Variants in ARHGEF38 observed in about 807,000 individuals in gnomAD.
ARHGEF38 encodes Rho guanine nucleotide exchange factor 38, also known as Rho guanine nucleotide exchange factor (GEF) 38.
ARHGEF38 carries 79 observed loss-of-function variants against 79.9 expected under a neutral mutation model. The observed-to-expected ratio is 0.99, with a 90% CI of 0.82 to 1.19. ARHGEF38 has a LOEUF of 1.19. Ranked by LOEUF, ARHGEF38 falls within the 50% of genes most tolerant of loss-of-function variation. ARHGEF38 has a pLI of 0.00. For missense variants in ARHGEF38, 962 were observed against 907.2 expected, an observed-to-expected ratio of 1.06 and a Z score of -0.78; for synonymous variants, 366 against 328.3, an observed-to-expected ratio of 1.11 and a Z score of -1.24.
chr4:105,598,774 C>T (rs1727695852), intron 2 of ARHGEF38, among the ~76,000 whole-genome samples: 1 of 151,392 alleles, frequency 6.6e-6, no homozygotes, highest in African/African-American at 2.4e-5. Flanking sequence ...AGGCCAGATA[C>T]CTGAGGTCTC....
At chr4:105,605,356 C>A (rs1431239018) in intron 2 of ARHGEF38, among the ~76,000 whole-genome samples, 1 of 152,010 alleles carries the variant, frequency 6.6e-6, no homozygotes, top group Non-Finnish European at 1.5e-5. Flanking sequence ...TTGAACCCAG[C>A]CTCTTTCTCT....
intron 1 of ARHGEF38, among the ~76,000 whole-genome samples, chr4:105,576,890 T>A (rs933409780): frequency 6.6e-6 from 1 of 152,182 alleles, no homozygotes; most frequent in Non-Finnish European, 1.5e-5. Context: ...TTTGTGTTTT[T>A]AATTCTGCTT....
intron 1 of ARHGEF38, among the ~76,000 whole-genome samples, chr4:105,565,881 G>A (rs1194884812): frequency 1.3e-5 from 2 of 152,092 alleles, no homozygotes; most frequent in East Asian, 1.9e-4. Context: ...TTACTCACCA[G>A]TTCATGCTAA....
intron 13 of ARHGEF38, among the ~76,000 whole-genome samples, chr4:105,668,002 T>A (rs915187653): frequency 1.3e-5 from 2 of 152,160 alleles, no homozygotes; most frequent in South Asian, 2.1e-4. Flanking sequence ...CAGCAAAGTA[T>A]CTTTTTATAC....
Position 105,607,954 on chromosome 4 carries a change from G to C in ARHGEF38, c.385-5430G>C, listed in dbSNP as rs150651659. Reference sequence around the variant, plus strand: ...GAAACTTACATACTATTTTTGTCCAGTTAGGCTTCTATTTAAAAAAAAATG... The same window carrying C: ...GAAACTTACATACTATTTTTGTCCACTTAGGCTTCTATTTAAAAAAAAATG... On this transcript the variant is annotated intron_variant, in intron 2 of 13. Transcript: ENST00000420470. Among the ~76,000 whole-genome samples the C allele has an allele frequency of 1.2e-3, 183 of 151,742 alleles. 2 individuals carry two copies. The highest frequency in any genetic ancestry group is 4.0e-3 in the African/African-American group (166 of 41,338).
At chr4:105,609,724 A>G (rs1456469686) in intron 2 of ARHGEF38, among the ~76,000 whole-genome samples, 3 of 152,246 alleles carry the variant, frequency 2.0e-5, no homozygotes, top group African/African-American at 7.2e-5. Flanking sequence ...ATTTAAATGT[A>G]ATGGGAACTG....
At chr4:105,575,230 A>C (rs747208147) in intron 1 of ARHGEF38, among the ~76,000 whole-genome samples, 1 of 152,130 alleles carries the variant, frequency 6.6e-6, no homozygotes, top group South Asian at 2.1e-4. Context: ...AGGAATCTCC[A>C]TACTATTTTT....
At position 105,659,214 on chromosome 4, in the gene ARHGEF38, A is replaced by G; in HGVS notation, c.1394A>G (p.Glu465Gly). 2 of 1,536,124 alleles carry G rather than the reference A, an allele frequency of 1.3e-6. No individual in the cohort carries two copies. Among genetic ancestry groups the G allele is most frequent in the Non-Finnish European group, 1.7e-6 (2 of 1,146,884 alleles). Residue 465 changes from glutamate to glycine, a missense_variant, in exon 10 of 14, where the codon GAG (glutamate) becomes GGG (glycine). Transcript: ENST00000420470. The stretch of plus-strand genomic sequence containing the variant: ...GAGGAGTCAGACTTGGCCAAAAAGG[A>G]GTATGAGGCCCTCAACGCCCAGCTT... ...TGEESDLAKK[E>G]YEALNAQLVE... is the part of the protein sequence containing the mutation.
chr4:105,631,160 G>C, intron 4 of ARHGEF38, 115 bp downstream of exon 4: 1 of 1,361,394 alleles, frequency 7.3e-7, no homozygotes, highest in Non-Finnish European at 9.5e-7. Context: ...GAGACTTGCT[G>C]GGAGCTCTGC....
intron 3 of ARHGEF38, among the ~76,000 whole-genome samples, chr4:105,623,552 A>G (rs1268710379): frequency 6.6e-6 from 1 of 152,210 alleles, no homozygotes; most frequent in Non-Finnish European, 1.5e-5. Flanking sequence ...TCACTTTCTC[A>G]GAGAACCAAT....
rs923927990 is a variant in ARHGEF38 at position 105,659,069 on chromosome 4, A to G, written c.1249A>G (p.Arg417Gly). The G allele has an allele frequency of 6.5e-7, 1 of 1,534,886 alleles. No homozygotes were observed. ...CTTTTGGCAGGCATCTCACTTACAG[A>G]GACTCATCCTGACCCCCTTGTCAGC... ...SCHDFASHLQ[R>G]LILTPLSALL... Residue 417 changes from arginine to glycine, a missense_variant, in exon 10 of 14, where the codon AGA (arginine) becomes GGA (glycine). By Grantham distance (125) the Arg-to-Gly change is moderately radical. Coordinates refer to ENST00000420470, the MANE Select transcript of ARHGEF38 (RefSeq NM_001242729.2).
chr4:105,679,814 T>C lies in ARHGEF38; in HGVS notation c.*1877T>C. The C allele has an allele frequency of 1.7e-6, 2 of 1,199,904 alleles. No individual in the cohort carries two copies. The highest frequency in any genetic ancestry group is 1.5e-5 in the African/African-American group (1 of 66,392). 74.3% of individuals were successfully genotyped at this position (1,199,904 alleles called of 1,614,324 possible). A position where few individuals can be genotyped will look rare whatever the true frequency, so the allele number is the denominator to read the frequency against. On this transcript the variant is annotated 3_prime_UTR_variant, in exon 14 of 14. Coordinates refer to ENST00000420470, the MANE Select transcript of ARHGEF38 (RefSeq NM_001242729.2). ...AGCTTTACCCACGCATCCAGAGAGA[T>C]GGATATAGGACTCAATATCCTGAGG...
intron 3 of ARHGEF38, among the ~76,000 whole-genome samples, chr4:105,615,616 G>T (rs1286933436): frequency 6.6e-6 from 1 of 152,114 alleles, no homozygotes; most frequent in Non-Finnish European, 1.5e-5. Flanking sequence ...CATTTGTCAT[G>T]GACTTTTCCT....
At chr4:105,556,643 C>T (rs1024785158) in intron 1 of ARHGEF38, among the ~76,000 whole-genome samples, 11 of 152,092 alleles carry the variant, frequency 7.2e-5, no homozygotes, top group South Asian at 4.1e-4. Context: ...TCTCCCTCCC[C>T]GCTCATACAC....
chr4:105,594,311 C>A (rs970645401), intron 2 of ARHGEF38, among the ~76,000 whole-genome samples: 5 of 152,208 alleles, frequency 3.3e-5, no homozygotes, highest in African/African-American at 1.2e-4. Context: ...CTTTCCTGTT[C>A]TCACTTCCCT....
chr4:105,605,157 A>T (rs553421453), intron 2 of ARHGEF38, among the ~76,000 whole-genome samples: 2 of 152,146 alleles, frequency 1.3e-5, no homozygotes, highest in African/African-American at 4.8e-5. Flanking sequence ...CCCTGTGTCA[A>T]GGCAGAGAAG....
At chr4:105,660,449 G>A (rs1317765234) in intron 10 of ARHGEF38, among the ~76,000 whole-genome samples, 1 of 127,618 alleles carries the variant, frequency 7.8e-6, no homozygotes, top group South Asian at 2.4e-4. Flanking sequence ...TTTTTTTTTT[G>A]GTGGGGGGGG....
At chr4:105,672,870 C>G (rs887014451) in intron 13 of ARHGEF38, among the ~76,000 whole-genome samples, 1 of 152,230 alleles carries the variant, frequency 6.6e-6, no homozygotes, top group African/African-American at 2.4e-5. Context: ...TTTCAACAAC[C>G]TGAGGCTGCT....
At chr4:105,618,748 C>A (rs1478653804) in intron 3 of ARHGEF38, among the ~76,000 whole-genome samples, 3 of 152,214 alleles carry the variant, frequency 2.0e-5, no homozygotes, top group Non-Finnish European at 4.4e-5. Context: ...GAGAAATATA[C>A]TTTTCATAGT....
Sources: gnomAD v4.1 joint callset for allele counts (sites outside exome capture counted in the v4.1 genomes callset) on GRCh38, gnomAD v4.1.1 for gene constraint, MANE v1.5 for transcripts, NCBI Gene and HGNC (gene_info 2026-07-23, HGNC 2026-07-21) for gene names.